The following PTPRG variants were observed in gnomAD, a reference collection of about 807,000 sequenced individuals.
The protein encoded by PTPRG is receptor-type tyrosine-protein phosphatase gamma.
A neutral mutation model predicts 165.3 loss-of-function variants in PTPRG; 102 were observed. The observed-to-expected ratio is 0.62, with a 90% CI of 0.53 to 0.73. The LOEUF (loss-of-function observed/expected upper bound fraction) is 0.73. Ranked by LOEUF, PTPRG falls within the 30% of genes least tolerant of loss-of-function variation. The pLI is 0.00. For synonymous variants in PTPRG, 675 were observed against 669.5 expected (o/e 1.01, Z -0.13); for missense variants, 1,866 against 1,861.4 (o/e 1.00, Z -0.05).
At chr3:61,948,979 C>T (rs565087388) in intron 2 of PTPRG, among the ~76,000 whole-genome samples, 3 of 150,206 alleles carry the variant, frequency 2.0e-5, no homozygotes, top group African/African-American at 4.9e-5. Context: ...TTTCAGTAAT[C>T]GAGCTCAAAC....
Position 61,562,118 on chromosome 3 carries a change from GCTC to G in PTPRG, c.-169_-167del. 9 of 569,672 alleles carry G rather than the reference GCTC, an allele frequency of 1.6e-5. No homozygotes were observed. The highest frequency in any genetic ancestry group is 1.9e-5 in the African/African-American group (1 of 52,224). 35.3% of individuals were successfully genotyped at this position (569,672 alleles called of 1,614,324 possible). On this transcript the variant is annotated 5_prime_UTR_variant, in exon 1 of 30. Transcript: ENST00000474889. The stretch of plus-strand genomic sequence containing the variant: ...CACTTTTTGAGATTTTCCGGGGGGC[GCTC>G]GGCGGCTTCCCGGATTCCAAGGGGA...
At chr3:61,689,634 T>C (rs1200951871) in intron 1 of PTPRG, among the ~76,000 whole-genome samples, 1 of 152,212 alleles carries the variant, frequency 6.6e-6, no homozygotes, top group Non-Finnish European at 1.5e-5. Flanking sequence ...CAAGGGCAAG[T>C]GTGAATTGCA....
At chr3:61,591,579 C>G (rs1481906945) in intron 1 of PTPRG, among the ~76,000 whole-genome samples, 1 of 152,118 alleles carries the variant, frequency 6.6e-6, no homozygotes, top group Non-Finnish European at 1.5e-5. Flanking sequence ...TTCTCCTTCT[C>G]TAGGCCAGTG....
chr3:61,695,840 A>G (rs1333067914), intron 1 of PTPRG, among the ~76,000 whole-genome samples: 1 of 152,218 alleles, frequency 6.6e-6, no homozygotes, highest in Non-Finnish European at 1.5e-5. Flanking sequence ...TGATGTACAG[A>G]ATTAATCAAT....
intron 4 of PTPRG, among the ~76,000 whole-genome samples, chr3:62,017,446 C>G (rs564809009): frequency 1.3e-5 from 2 of 150,438 alleles, no homozygotes; most frequent in Non-Finnish European, 3.0e-5. Context: ...GGCGGAGTCT[C>G]GCTCTTTCGC....
At chr3:61,805,662 G>C (rs1250373599) in intron 2 of PTPRG, among the ~76,000 whole-genome samples, 1 of 152,070 alleles carries the variant, frequency 6.6e-6, no homozygotes, top group Non-Finnish European at 1.5e-5. Context: ...CTAAGTTAAA[G>C]GGCGTCACTG....
At chr3:61,753,667 C>T (rs1559593106) in intron 2 of PTPRG, 1 of 426,266 alleles carries the variant, frequency 2.3e-6, no homozygotes, top group African/African-American at 2.1e-5. Flanking sequence ...TCACTGCAAC[C>T]CCCCAACCCC....
intron 2 of PTPRG, among the ~76,000 whole-genome samples, chr3:61,875,446 G>A (rs943570977): frequency 1.3e-5 from 2 of 152,116 alleles, no homozygotes; most frequent in Non-Finnish European, 2.9e-5. Flanking sequence ...CAGGCTACTC[G>A]ATTAATCAGT....
intron 1 of PTPRG, among the ~76,000 whole-genome samples, chr3:61,597,669 T>C (rs1464898082): frequency 6.8e-6 from 1 of 147,792 alleles, no homozygotes; most frequent in Non-Finnish European, 1.5e-5. Context: ...TGTGGGCTTA[T>C]GTCATCTTTA....
At chr3:61,607,042 G>A (rs759409602) in intron 1 of PTPRG, among the ~76,000 whole-genome samples, 51 of 152,218 alleles carry the variant, frequency 3.4e-4, no homozygotes, top group Non-Finnish European at 4.0e-4. Flanking sequence ...TCAGGGAATA[G>A]CATTGTCTTA....
intron 1 of PTPRG, among the ~76,000 whole-genome samples, chr3:61,591,187 T>C (rs1700559205): frequency 6.6e-6 from 1 of 152,218 alleles, no homozygotes; most frequent in Admixed American, 6.5e-5. Flanking sequence ...TTGTGCACAT[T>C]TGCCAGTATT....
intron 4 of PTPRG, among the ~76,000 whole-genome samples, chr3:62,076,715 G>A (rs1339857315): frequency 1.3e-5 from 2 of 151,888 alleles, no homozygotes; most frequent in Non-Finnish European, 2.9e-5. Context: ...CCGAGTAGCT[G>A]GGATTGCAGG....
intron 2 of PTPRG, among the ~76,000 whole-genome samples, chr3:61,918,145 A>T (rs1436450347): frequency 6.6e-6 from 1 of 152,180 alleles, no homozygotes; most frequent in East Asian, 1.9e-4. Flanking sequence ...CAAAGGCAGG[A>T]TGGTGGAGAG....
At chr3:61,827,519 C>G (rs2036147494) in intron 2 of PTPRG, among the ~76,000 whole-genome samples, 2 of 152,294 alleles carry the variant, frequency 1.3e-5, no homozygotes, top group South Asian at 4.1e-4. Context: ...GAATGTCCTT[C>G]TCGTGACCTC....
intron 2 of PTPRG, among the ~76,000 whole-genome samples, chr3:61,824,333 C>T (rs2036044540): frequency 2.0e-5 from 3 of 152,054 alleles, no homozygotes; most frequent in African/African-American, 7.2e-5. Context: ...TATTTGTTTC[C>T]TTAGGTGTTT....
At chr3:62,098,748 T>A (rs996364433) in intron 5 of PTPRG, among the ~76,000 whole-genome samples, 4 of 152,218 alleles carry the variant, frequency 2.6e-5, no homozygotes, top group African/African-American at 4.8e-5. Context: ...TCTGTGAATA[T>A]TCTAGAAGAC....
intron 7 of PTPRG, among the ~76,000 whole-genome samples, chr3:62,166,220 TTTTTTTTTTTTTTG>T: frequency 1.4e-5 from 2 of 144,652 alleles, no homozygotes. Context: ...TTTTTTTTTT[TTTTTTTTTTTTTTG>T]GTGACAAGAA....
intron 4 of PTPRG, among the ~76,000 whole-genome samples, chr3:62,062,657 C>T (rs1390268434): frequency 7.3e-6 from 1 of 137,760 alleles, no homozygotes; most frequent in African/African-American, 2.7e-5. Context: ...TTGATCTCAT[C>T]TCATAGATTT....
At chr3:61,927,897 C>T (rs566979228) in intron 2 of PTPRG, among the ~76,000 whole-genome samples, 1 of 152,150 alleles carries the variant, frequency 6.6e-6, no homozygotes, top group African/African-American at 2.4e-5. Flanking sequence ...TGGACATTTT[C>T]CCCCCTTTCC....
Sources: allele counts gnomAD v4.1 joint callset (sites outside exome capture counted in the v4.1 genomes callset), GRCh38; gene constraint gnomAD v4.1.1; transcripts MANE v1.5; gene names NCBI Gene and HGNC (gene_info 2026-07-23, HGNC 2026-07-21).